LIMS1: variants seen among roughly 807,000 people sequenced by gnomAD.
The protein encoded by LIMS1 is LIM and senescent cell antigen-like-containing domain protein 1.
A neutral mutation model predicts 44.1 loss-of-function variants in LIMS1; 18 were observed. The ratio of observed to expected loss-of-function variants is 0.41; its 90% confidence interval spans 0.28 to 0.61. The LOEUF (loss-of-function observed/expected upper bound fraction) is 0.61, where lower values mean the gene tolerates loss of function less well. Ranked by LOEUF, LIMS1 falls within the 20% of genes least tolerant of loss-of-function variation. The pLI, the probability that LIMS1 is intolerant of heterozygous loss-of-function variation, is 0.32. For missense variants in LIMS1, 201 were observed against 422.0 expected, an observed-to-expected ratio of 0.48 and a Z score of 4.59; for synonymous variants, 93 against 149.1, an observed-to-expected ratio of 0.62 and a Z score of 2.74.
At chr2:108,598,294 T>C (rs56039223) in intron 1 of LIMS1, among the ~76,000 whole-genome samples, 5 of 152,142 alleles carry the variant, frequency 3.3e-5, no homozygotes, top group African/African-American at 1.2e-4. Context: ...TATCCAAACT[T>C]TTTCATTTAT....
chr2:108,683,947 T>C, exon 10 of LIMS1: 1 of 1,605,158 alleles, frequency 6.2e-7, no homozygotes. Context: ...AAATTTCCAT[T>C]GGAGCTGAAG....
intron 1 of LIMS1, among the ~76,000 whole-genome samples, chr2:108,551,491 G>GCGCACA (rs1491560992): frequency 5.0e-4 from 58 of 114,862 alleles, no homozygotes; most frequent in Non-Finnish European, 8.0e-4. Context: ...GCGCGCGCGC[G>GCGCACA]CACACACACA....
At chr2:108,637,015 C>T (rs1337523844) in intron 1 of LIMS1, among the ~76,000 whole-genome samples, 1 of 151,924 alleles carries the variant, frequency 6.6e-6, no homozygotes, top group Non-Finnish European at 1.5e-5. Flanking sequence ...CTGAAATAAT[C>T]CCTTGCCTTT....
At chr2:108,563,625 A>T (rs1202375132) in intron 1 of LIMS1, among the ~76,000 whole-genome samples, 1 of 152,242 alleles carries the variant, frequency 6.6e-6, no homozygotes, top group Non-Finnish European at 1.5e-5. Context: ...TTATGGATGA[A>T]CAAAGAAAGT....
intron 2 of LIMS1, chr2:108,662,592 T>G: frequency 2.8e-6 from 3 of 1,075,300 alleles, no homozygotes; most frequent in Non-Finnish European, 3.6e-6. Context: ...TAAACCTGCA[T>G]CTGGAGAATA....
chr2:108,629,400 A>G (rs1362212645), intron 1 of LIMS1, among the ~76,000 whole-genome samples: 2 of 149,700 alleles, frequency 1.3e-5, no homozygotes, highest in African/African-American at 4.8e-5. Context: ...GACTGCTTCA[A>G]CTGTAGTGAG....
chr2:108,604,493 AT>A (rs1351493019), intron 1 of LIMS1, among the ~76,000 whole-genome samples: 2 of 152,154 alleles, frequency 1.3e-5, no homozygotes, highest in Non-Finnish European at 2.9e-5. Flanking sequence ...AAAACTTAAC[AT>A]TTTCAAATTT....
intron 1 of LIMS1, among the ~76,000 whole-genome samples, chr2:108,579,008 G>A (rs1685784551): frequency 6.6e-6 from 1 of 152,064 alleles, no homozygotes; most frequent in Non-Finnish European, 1.5e-5. Context: ...TAGCATCCTG[G>A]ATTCATTATC....
At chr2:108,665,954 A>G (rs1691727323) in intron 2 of LIMS1, among the ~76,000 whole-genome samples, 1 of 152,140 alleles carries the variant, frequency 6.6e-6, no homozygotes, top group African/African-American at 2.4e-5. Context: ...TGAGGTGGAT[A>G]GAAAACACAA....
chr2:108,573,754 A>T (rs1685570112), intron 1 of LIMS1, among the ~76,000 whole-genome samples: 1 of 152,178 alleles, frequency 6.6e-6, no homozygotes. Flanking sequence ...GATGAACAGT[A>T]TGGAGGAATG....
In LIMS1 at chr2:108,596,936, TTTGA is replaced by T. The variant is rs1348857133; in HGVS notation, c.32+62343_32+62346del. 8.4e-5 allele frequency among the ~76,000 whole-genome samples: 12 copies of T among 143,578 alleles called. No homozygotes were observed. In the East Asian group the frequency reaches 2.3e-3, roughly 27 times the overall value. 94.2% of individuals were successfully genotyped at this position (143,578 alleles called of 152,430 possible). On this transcript the variant is annotated intron_variant, in intron 1 of 9. Transcript: ENST00000544547. Reference sequence around the variant, plus strand: ...ATCTGTTTTTTTTTTTTTTTTTTTTTTTGAGTCTTGCTCTGTTGCTGAGGTGCAG... The same window carrying T: ...ATCTGTTTTTTTTTTTTTTTTTTTTTGTCTTGCTCTGTTGCTGAGGTGCAG...
exon 1 of LIMS1, chr2:108,534,388 G>T (rs1684038248): frequency 7.1e-6 from 2 of 281,120 alleles, no homozygotes; most frequent in Non-Finnish European, 1.3e-5. Flanking sequence ...CTTCCCGCGC[G>T]GCCCGCCTCG....
chr2:108,659,163 C>T (rs1691145185), intron 1 of LIMS1: 1 of 974,742 alleles, frequency 1.0e-6, no homozygotes, highest in Non-Finnish European at 1.2e-6. Context: ...TATGACATGG[C>T]ATTTAGTTGA....
At chr2:108,684,802 G>C (rs927449274) in exon 10 of LIMS1, 5 of 152,088 alleles carry the variant, frequency 3.3e-5, no homozygotes, top group African/African-American at 1.2e-4. Flanking sequence ...TGTAGTCTTA[G>C]AATAGGACAT....
chr2:108,635,784 CT>C (rs1198455750), intron 1 of LIMS1, among the ~76,000 whole-genome samples: 2 of 118,696 alleles, frequency 1.7e-5, no homozygotes, highest in African/African-American at 2.6e-5. Flanking sequence ...TAACACACTC[CT>C]CCCCCCCGTC....
chr2:108,681,966 T>G (rs1209869244), intron 9 of LIMS1, among the ~76,000 whole-genome samples: 4 of 152,182 alleles, frequency 2.6e-5, no homozygotes, highest in African/African-American at 4.8e-5. Flanking sequence ...CATCTTCTTC[T>G]GTGATGTTCG....
rs938347919 is a variant in LIMS1, at chr2:108,550,680, G to A, written c.32+16086G>A. Among the ~76,000 whole-genome samples the A allele has an allele frequency of 4.6e-5, 7 of 151,206 alleles. No homozygotes were observed. In the South Asian group the frequency reaches 6.2e-4, roughly 13 times the overall value. The stretch of plus-strand genomic sequence containing the variant: ...AATACAAAAAAATTAGTCGGGCGTC[G>A]TGGCGGGTGCCTGTAGTCCCAGTTA... On this transcript the variant is annotated intron_variant, in intron 1 of 9. Coordinates refer to ENST00000544547, the Ensembl canonical transcript of LIMS1.
intron 1 of LIMS1, among the ~76,000 whole-genome samples, chr2:108,650,503 T>C (rs1408549476): frequency 6.6e-6 from 1 of 151,936 alleles, no homozygotes; most frequent in Non-Finnish European, 1.5e-5. Context: ...CTGCAGCCTC[T>C]GCCTCCTAGG....
intron 1 of LIMS1, among the ~76,000 whole-genome samples, chr2:108,564,088 C>T (rs1022752783): frequency 6.6e-6 from 1 of 151,110 alleles, no homozygotes; most frequent in African/African-American, 2.4e-5. Flanking sequence ...CATTGTTTGC[C>T]ACAAGGAGGT....
Sources: gnomAD v4.1 joint callset for allele counts (sites outside exome capture counted in the v4.1 genomes callset) on GRCh38, gnomAD v4.1.1 for gene constraint, MANE v1.5 for transcripts, NCBI Gene and HGNC (gene_info 2026-07-23, HGNC 2026-07-21) for gene names.